The following ALPK2 variants were observed in gnomAD, a reference collection of about 807,000 sequenced individuals.
ALPK2 encodes the protein alpha kinase 2, also known as alpha-protein kinase 2.
In ALPK2, 127 loss-of-function variants were observed where a neutral mutation model predicts 163.1. The ratio of observed to expected loss-of-function variants is 0.78; its 90% CI spans 0.67 to 0.90. ALPK2 has a LOEUF of 0.90. Ranked by LOEUF, ALPK2 falls within the 40% of genes least tolerant of loss-of-function variation. ALPK2 has a pLI of 0.00. For missense variants in ALPK2, 2,360 were observed against 2,589.6 expected, an observed-to-expected ratio of 0.91 and a Z score of 1.92; for synonymous variants, 953 against 959.1, an observed-to-expected ratio of 0.99 and a Z score of 0.12.
intron 3 of ALPK2, among the ~76,000 whole-genome samples, chr18:58,589,854 G>A (rs1400832541): frequency 6.6e-6 from 1 of 152,178 alleles, no homozygotes; most frequent in Non-Finnish European, 1.5e-5. Context: ...AACTCAAACT[G>A]CAACTCGACC....
chr18:58,607,464 C>A (rs758489836), intron 2 of ALPK2, 25 bp from the exon 3 acceptor site: 1 of 1,459,352 alleles, frequency 6.9e-7, no homozygotes, highest in Admixed American at 2.2e-5. Flanking sequence ...AGAAAAGTAT[C>A]CTTATTAGTT....
intron 4 of ALPK2, among the ~76,000 whole-genome samples, chr18:58,555,274 C>T (rs1380800661): frequency 2.6e-5 from 4 of 152,206 alleles, no homozygotes; most frequent in Non-Finnish European, 5.9e-5. Flanking sequence ...AAGTAATTAA[C>T]CTGCACTTCT....
chr18:58,626,126 G>A (rs536583189), intron 1 of ALPK2, among the ~76,000 whole-genome samples: 3 of 152,264 alleles, frequency 2.0e-5, no homozygotes, highest in East Asian at 1.9e-4. Flanking sequence ...TAACCGAAGC[G>A]AAGAATGTAT....
chr18:58,483,529 CTTTATTTATTTATTTATTTA>C (rs144938882), intron 12 of ALPK2, among the ~76,000 whole-genome samples: 7 of 142,778 alleles, frequency 4.9e-5, no homozygotes, highest in Non-Finnish European at 1.1e-4. Context: ...GTCCTACTCA[CTTTATTTATTTATTTATTTA>C]TTTATTTATT....
chr18:58,598,485 C>A (rs1041048208), intron 3 of ALPK2, among the ~76,000 whole-genome samples: 3 of 152,186 alleles, frequency 2.0e-5, no homozygotes, highest in Non-Finnish European at 4.4e-5. Flanking sequence ...CAGGACCTGG[C>A]AGAGGCAGGG....
In ALPK2 at chr18:58,628,886, AT is replaced by A. The variant is rs2052245102; in HGVS notation, c.-144del. 1 of 152,190 alleles carries A rather than the reference AT, an allele frequency of 6.6e-6. No homozygotes were observed. The allele number at this position is 152,190 out of a possible 1,614,324, so 9.4% of individuals were successfully genotyped here. ...CCGGGACAGGGATTCAAAGGAGTTTATAGGGCTCAGGGTCTTCCATGATCAG... is the reference window on the plus strand; with the variant it reads ...CCGGGACAGGGATTCAAAGGAGTTTAAGGGCTCAGGGTCTTCCATGATCAG... On this transcript the variant is annotated 5_prime_UTR_variant, in exon 1 of 13. The change abolishes the stop of an existing upstream ORF in the 5' untranslated region. Coordinates refer to ENST00000361673, the MANE Select transcript of ALPK2 (RefSeq NM_052947.4).
intron 10 of ALPK2, among the ~76,000 whole-genome samples, chr18:58,512,742 GTGGTGTGTGT>G (rs2051497356): frequency 1.5e-5 from 1 of 66,586 alleles, no homozygotes; most frequent in African/African-American, 3.4e-5. Context: ...TGTGTGTTAT[GTGGTGTGTGT>G]TGTGTGTATG....
chr18:58,588,557 T>C (rs2051998757), intron 3 of ALPK2, among the ~76,000 whole-genome samples: 1 of 152,216 alleles, frequency 6.6e-6, no homozygotes, highest in African/African-American at 2.4e-5. Context: ...TTTTTCCTAA[T>C]GTTCTACCCC....
chr18:58,492,183 A>C (rs11876916), intron 12 of ALPK2, among the ~76,000 whole-genome samples: 40,416 of 151,974 alleles, frequency 0.27, 6,051 homozygotes, highest in East Asian at 0.72. Context: ...GGCAGACACA[A>C]AAAGACACAG....
intron 4 of ALPK2, 78 bp downstream of exon 4, chr18:58,578,736 A>ACACACATGCGCGCACGCGCGCG (rs1555673978): frequency 1.6e-5 from 12 of 760,882 alleles, no homozygotes; most frequent in South Asian, 7.8e-5. Context: ...AGGAAGAGAC[A>ACACACATGCGCGCACGCGCGCG]CACACACACA....
chr18:58,624,644 G>C (rs1351523141), intron 1 of ALPK2, among the ~76,000 whole-genome samples: 1 of 152,162 alleles, frequency 6.6e-6, no homozygotes, highest in African/African-American at 2.4e-5. Flanking sequence ...AGTAGAGGCA[G>C]GGTTTCACCA....
intron 6 of ALPK2, among the ~76,000 whole-genome samples, chr18:58,524,875 A>C (rs2051576055): frequency 6.6e-6 from 1 of 151,778 alleles, no homozygotes; most frequent in South Asian, 2.1e-4. Context: ...TCCCGCCCTC[A>C]AGTCTGGGAT....
At chr18:58,595,193 T>C (rs909051166) in intron 3 of ALPK2, among the ~76,000 whole-genome samples, 2 of 152,144 alleles carry the variant, frequency 1.3e-5, no homozygotes, top group East Asian at 3.9e-4. Context: ...AGAGAGACCT[T>C]CCCACCGTCA....
At chr18:58,584,013 A>G (rs922187752) in intron 3 of ALPK2, among the ~76,000 whole-genome samples, 22 of 152,242 alleles carry the variant, frequency 1.4e-4, no homozygotes, top group African/African-American at 5.3e-4. Flanking sequence ...AATCAAGGAG[A>G]GAAAACAAAA....
chr18:58,519,845 G>A (rs935683637), intron 8 of ALPK2, among the ~76,000 whole-genome samples: 3 of 152,140 alleles, frequency 2.0e-5, no homozygotes, highest in East Asian at 3.9e-4. Flanking sequence ...CTTCCTCAGC[G>A]ATGGCTGAAA....
At chr18:58,502,173 CACACACAA>C (rs1367495564) in intron 11 of ALPK2, among the ~76,000 whole-genome samples, 6 of 124,968 alleles carry the variant, frequency 4.8e-5, no homozygotes, top group African/African-American at 1.5e-4. Context: ...CACACACACA[CACACACAA>C]AGAAAAAAAA....
At chr18:58,570,296 C>T (rs1386032761) in intron 4 of ALPK2, among the ~76,000 whole-genome samples, 3 of 152,178 alleles carry the variant, frequency 2.0e-5, no homozygotes, top group Non-Finnish European at 4.4e-5. Flanking sequence ...AATCCGAGCA[C>T]TGTATTACAA....
intron 5 of ALPK2, among the ~76,000 whole-genome samples, chr18:58,530,975 AG>A (rs1281099847): frequency 1.3e-5 from 2 of 152,052 alleles, no homozygotes; most frequent in Non-Finnish European, 2.9e-5. Flanking sequence ...CCGAGGCAGG[AG>A]GGTCACCTGA....
At chr18:58,560,210 G>C (rs2051818932) in intron 4 of ALPK2, among the ~76,000 whole-genome samples, 1 of 152,210 alleles carries the variant, frequency 6.6e-6, no homozygotes, top group Non-Finnish European at 1.5e-5. Flanking sequence ...AAGATCTGAT[G>C]GTTTTGAAAA....
Sources: allele counts gnomAD v4.1 joint callset (sites outside exome capture counted in the v4.1 genomes callset), GRCh38; gene constraint gnomAD v4.1.1; transcripts MANE v1.5; gene names NCBI Gene and HGNC (gene_info 2026-07-23, HGNC 2026-07-21).